Variants in CDH19 observed in about 807,000 individuals in gnomAD.
CDH19 encodes cadherin 19.
Under a neutral mutation model 64.2 loss-of-function variants are expected in CDH19, and 67 were observed. The observed-to-expected ratio is 1.04, with a 90% CI of 0.86 to 1.28. The LOEUF (loss-of-function observed/expected upper bound fraction) is 1.28. Among genes scored for constraint, CDH19 ranks in the 50% most tolerant of loss-of-function variants. The pLI, the probability that CDH19 is intolerant of heterozygous loss-of-function variation, is 0.00. For synonymous variants in CDH19, 346 were observed against 319.3 expected, an observed-to-expected ratio of 1.08 and a Z score of -0.89; for missense variants, 1,030 against 929.0, an observed-to-expected ratio of 1.11 and a Z score of -1.41.
chr18:66,599,767 G>A (rs865781776), intron 1 of CDH19, among the ~76,000 whole-genome samples: 5 of 151,914 alleles, frequency 3.3e-5, no homozygotes, highest in Non-Finnish European at 2.9e-5. Context: ...CATGAATATA[G>A]GATAAATAAA....
intron 3 of CDH19, among the ~76,000 whole-genome samples, chr18:66,566,077 C>T (rs1987899311): frequency 6.6e-6 from 1 of 151,934 alleles, no homozygotes; most frequent in Non-Finnish European, 1.5e-5. Flanking sequence ...CAATAATTCT[C>T]TCATGGGTTC....
chr18:66,555,310 A>C (rs1421619090), intron 3 of CDH19, among the ~76,000 whole-genome samples: 2 of 151,792 alleles, frequency 1.3e-5, no homozygotes. Flanking sequence ...TGTGTCAATA[A>C]GAATAGCAAC....
intron 1 of CDH19, among the ~76,000 whole-genome samples, chr18:66,587,955 G>A (rs1003923584): frequency 6.6e-6 from 1 of 152,136 alleles, no homozygotes; most frequent in Non-Finnish European, 1.5e-5. Context: ...CATTTCAAAA[G>A]AGAAGAAAGA....
chr18:66,521,523 T>TTTA (rs751347723), intron 9 of CDH19, among the ~76,000 whole-genome samples: 54,533 of 145,090 alleles, frequency 0.38, 10,505 homozygotes, highest in South Asian at 0.46. Context: ...TATTTATTTA[T>TTTA]TTTGTTTGTT....
chr18:66,578,161 C>A (rs996415968), intron 1 of CDH19, among the ~76,000 whole-genome samples: 2 of 151,770 alleles, frequency 1.3e-5, no homozygotes, highest in African/African-American at 4.8e-5. Context: ...GATATCTCTG[C>A]GAGCCATTAT....
In CDH19 at chr18:66,535,069, T is replaced by C. The variant is rs773535084; in HGVS notation, c.1253A>G (p.Asp418Gly). Residue 418 changes from aspartate (D) to glycine (G), a missense_variant, in exon 8 of 12, where the codon GAT becomes GGT. Physicochemically the swap from Asp to Gly is moderately conservative, Grantham distance 94. Transcript: ENST00000262150. Reference protein sequence around the residue: ...ITRSKVFNINDNGTITTSNSL... With the variant: ...ITRSKVFNINGNGTITTSNSL... ...GTTACTTGTAGTGATTGTACCATTATCATTGATATTGAACACTTTGCTCCT... is the reference window on the plus strand; with the variant it reads ...GTTACTTGTAGTGATTGTACCATTACCATTGATATTGAACACTTTGCTCCT... The C allele has an allele frequency of 6.6e-7, 1 of 1,508,818 alleles. No homozygotes were observed. The highest frequency in any genetic ancestry group is 9.0e-7 in the Non-Finnish European group (1 of 1,109,564). The allele number at this position is 1,508,818 out of a possible 1,614,324, so 93.5% of individuals were successfully genotyped here.
At chr18:66,517,149 A>T (rs2144366944) in intron 9 of CDH19, among the ~76,000 whole-genome samples, 2 of 152,210 alleles carry the variant, frequency 1.3e-5, no homozygotes, top group Middle Eastern at 6.8e-3. Context: ...TATGAACTGT[A>T]GTCGAGAGGA....
chr18:66,582,994 A>G (rs1264828762), intron 1 of CDH19, among the ~76,000 whole-genome samples: 1 of 152,222 alleles, frequency 6.6e-6, no homozygotes, highest in East Asian at 1.9e-4. Context: ...ACAGTATTTC[A>G]CTTTTTATTC....
intron 1 of CDH19, among the ~76,000 whole-genome samples, chr18:66,602,688 T>A (rs1568218041): frequency 1.3e-5 from 2 of 151,870 alleles, no homozygotes; most frequent in South Asian, 4.1e-4. Context: ...TTCACTGTTA[T>A]AAAGGCTTGG....
At chr18:66,520,822 C>A (rs1215609700) in intron 9 of CDH19, among the ~76,000 whole-genome samples, 2 of 151,938 alleles carry the variant, frequency 1.3e-5, no homozygotes, top group Admixed American at 1.3e-4. Context: ...AAAGGTAATA[C>A]AAGAAAACGT....
chr18:66,586,416 C>T (rs1281266923), intron 1 of CDH19, among the ~76,000 whole-genome samples: 1 of 151,994 alleles, frequency 6.6e-6, no homozygotes, highest in African/African-American at 2.4e-5. Flanking sequence ...CAAGCAAATA[C>T]TATAAAGCCT....
chr18:66,505,427 C>A, intron 11 of CDH19, 125 bp from the exon 12 acceptor site: 2 of 746,608 alleles, frequency 2.7e-6, no homozygotes, highest in Non-Finnish European at 3.7e-6. Flanking sequence ...CAAAAAGATA[C>A]ATTTGTTATT....
chr18:66,543,788 C>T (rs569529992), intron 7 of CDH19, among the ~76,000 whole-genome samples, 183 bp downstream of exon 7: 114 of 152,054 alleles, frequency 7.5e-4, no homozygotes, highest in African/African-American at 2.7e-3. Flanking sequence ...GAGGCTGAGG[C>T]AGAAGACTCG....
At chr18:66,507,484 AC>A (rs1985258133) in intron 11 of CDH19, among the ~76,000 whole-genome samples, 1 of 151,828 alleles carries the variant, frequency 6.6e-6, no homozygotes, top group Non-Finnish European at 1.5e-5. Context: ...CAGAGTTTAG[AC>A]TATATATTTT....
At chr18:66,564,733 T>C (rs921251960) in intron 3 of CDH19, among the ~76,000 whole-genome samples, 6 of 151,974 alleles carry the variant, frequency 3.9e-5, no homozygotes, top group Non-Finnish European at 7.4e-5. Flanking sequence ...GTTTTCCACG[T>C]AATGTGACTG....
At chr18:66,567,153 A>G (rs916738705) in intron 3 of CDH19, among the ~76,000 whole-genome samples, 3 of 151,966 alleles carry the variant, frequency 2.0e-5, no homozygotes, top group African/African-American at 7.2e-5. Context: ...AATGTGTTTC[A>G]TATTAGCAGG....
At chr18:66,523,254 G>T (rs1414038091) in intron 9 of CDH19, among the ~76,000 whole-genome samples, 3 of 152,078 alleles carry the variant, frequency 2.0e-5, no homozygotes, top group African/African-American at 7.2e-5. Context: ...AAAACCACAT[G>T]ATCATTTGAA....
At chr18:66,546,832 T>G (rs911142454) in intron 5 of CDH19, among the ~76,000 whole-genome samples, 5 of 151,912 alleles carry the variant, frequency 3.3e-5, no homozygotes, top group Non-Finnish European at 7.4e-5. Context: ...CCTGGAGTGT[T>G]CTGGGAAAAG....
intron 1 of CDH19, among the ~76,000 whole-genome samples, chr18:66,588,139 C>T (rs1194472353): frequency 6.6e-6 from 1 of 152,124 alleles, no homozygotes; most frequent in Non-Finnish European, 1.5e-5. Flanking sequence ...TCACTTCCCA[C>T]TTCCCAAAGC....
Sources: allele counts gnomAD v4.1 joint callset (sites outside exome capture counted in the v4.1 genomes callset), GRCh38; gene constraint gnomAD v4.1.1; transcripts MANE v1.5; gene names NCBI Gene and HGNC (gene_info 2026-07-23, HGNC 2026-07-21).